The following MSRA variants were observed in gnomAD, a reference collection of about 807,000 sequenced individuals.
MSRA encodes the protein mitochondrial peptide methionine sulfoxide reductase.
Under a neutral mutation model 31.3 loss-of-function variants are expected in MSRA, and 54 were observed. The observed-to-expected ratio is 1.73, with a 90% confidence interval of 1.39 to 2.17. The LOEUF is 2.17. MSRA is among the 30% of genes most tolerant of loss of function. The pLI is 0.00. For synonymous variants in MSRA, 169 were observed against 116.5 expected, an observed-to-expected ratio of 1.45 and a Z score of -2.90; for missense variants, 507 against 300.9, an observed-to-expected ratio of 1.69 and a Z score of -5.07.
chr8:10,059,183 T>A (rs1802562628), intron 1 of MSRA: 1 of 151,978 alleles, frequency 6.6e-6, no homozygotes, highest in South Asian at 2.1e-4. Flanking sequence ...GAAAAAAAGG[T>A]TGGATCTCTA....
chr8:10,292,956 G>T (rs1248848993), intron 3 of MSRA, among the ~76,000 whole-genome samples: 1 of 152,310 alleles, frequency 6.6e-6, no homozygotes, highest in African/African-American at 2.4e-5. Context: ...GCTCCTGTAG[G>T]CCCCAGGGAA....
rs563285176 is a variant in MSRA at position 10,101,535 on chromosome 8, C to T, written c.142+46877C>T. On this transcript the variant is annotated intron_variant, in intron 1 of 5. Transcript: ENST00000317173. The stretch of plus-strand genomic sequence containing the variant: ...CATAAACAATAACTTTCTATTCTTC[C>T]CTTCCCCAAACCCCGCAACAGAATC... Among the ~76,000 whole-genome samples the T allele has an allele frequency of 2.6e-5, 4 of 152,204 alleles. No homozygotes were observed. The East Asian group carries it at 7.7e-4, about 29-fold the overall frequency.
intron 1 of MSRA, among the ~76,000 whole-genome samples, chr8:10,117,493 G>A (rs1800771610): frequency 6.6e-6 from 1 of 152,178 alleles, no homozygotes; most frequent in African/African-American, 2.4e-5. Context: ...CGTCTTTTGG[G>A]AGCAGAGAAA....
At chr8:10,202,476 C>T (rs1808583951) in intron 1 of MSRA, among the ~76,000 whole-genome samples, 1 of 152,202 alleles carries the variant, frequency 6.6e-6, no homozygotes, top group Admixed American at 6.5e-5. Flanking sequence ...TTCCCCTGTG[C>T]CATCTTTGTT....
chr8:10,362,116 C>T (rs886121188), intron 5 of MSRA, among the ~76,000 whole-genome samples: 1 of 152,102 alleles, frequency 6.6e-6, no homozygotes, highest in East Asian at 1.9e-4. Flanking sequence ...TTGGCAAGTT[C>T]GTTGGCTTGT....
At chr8:10,277,493 A>G (rs979284134) in intron 3 of MSRA, among the ~76,000 whole-genome samples, 2 of 152,084 alleles carry the variant, frequency 1.3e-5, no homozygotes, top group Non-Finnish European at 2.9e-5. Context: ...TGTATTTCCA[A>G]CTTCTGATGT....
chr8:10,424,502 T>A (rs1809011491), intron 5 of MSRA, among the ~76,000 whole-genome samples: 1 of 118,494 alleles, frequency 8.4e-6, no homozygotes, highest in Admixed American at 8.7e-5. Flanking sequence ...CGGGATGGAA[T>A]AGGATCGGGG....
At chr8:10,415,626 G>A (rs982749575) in intron 5 of MSRA, among the ~76,000 whole-genome samples, 1 of 152,024 alleles carries the variant, frequency 6.6e-6, no homozygotes, top group Admixed American at 6.6e-5. Flanking sequence ...GAGCCCCAGG[G>A]TCCCATCTGC....
At chr8:10,112,900 C>T (rs1329588693) in intron 1 of MSRA, among the ~76,000 whole-genome samples, 4 of 152,130 alleles carry the variant, frequency 2.6e-5, no homozygotes, top group Non-Finnish European at 5.9e-5. Flanking sequence ...TTCTTTGACT[C>T]AGGGGGTCTG....
At chr8:10,337,756 C>T (rs1192421679) in intron 5 of MSRA, 9 of 702,550 alleles carry the variant, frequency 1.3e-5, no homozygotes, top group Non-Finnish European at 2.1e-5. Flanking sequence ...TCACTGCAGC[C>T]TCCTCTGCTC....
intron 2 of MSRA, among the ~76,000 whole-genome samples, chr8:10,227,674 A>G (rs1168158710): frequency 6.6e-6 from 1 of 152,244 alleles, no homozygotes; most frequent in Non-Finnish European, 1.5e-5. Context: ...ATATGAGCAC[A>G]TTTTAAATTA....
At chr8:10,102,650 G>T (rs1228643346) in intron 1 of MSRA, among the ~76,000 whole-genome samples, 1 of 152,192 alleles carries the variant, frequency 6.6e-6, no homozygotes, top group South Asian at 2.1e-4. Context: ...TTCTTGGTAT[G>T]ATAAATGATT....
At chr8:10,114,322 A>G (rs78146683) in intron 1 of MSRA, among the ~76,000 whole-genome samples, 190 of 152,246 alleles carry the variant, frequency 1.2e-3, no homozygotes, top group African/African-American at 4.4e-3. Context: ...TTGTGTGAAT[A>G]TATGTTTTCA....
chr8:10,308,759 G>A (rs1018251340), intron 4 of MSRA, among the ~76,000 whole-genome samples: 2 of 152,058 alleles, frequency 1.3e-5, no homozygotes, highest in South Asian at 2.1e-4. Context: ...TTCTTGCCTC[G>A]CACACTGTTC....
intron 5 of MSRA, among the ~76,000 whole-genome samples, chr8:10,322,485 AT>A (rs1026102555): frequency 3.3e-5 from 5 of 152,128 alleles, no homozygotes; most frequent in African/African-American, 1.2e-4. Flanking sequence ...ATGGCTGGTG[AT>A]TTTTTGTACA....
intron 2 of MSRA, among the ~76,000 whole-genome samples, chr8:10,226,951 C>T (rs113163747): frequency 5.9e-5 from 9 of 152,276 alleles, no homozygotes; most frequent in Non-Finnish European, 1.3e-4. Flanking sequence ...TGCCTTCCAG[C>T]AGCTGGGAGA....
At chr8:10,132,072 C>G (rs1801935584) in intron 1 of MSRA, among the ~76,000 whole-genome samples, 2 of 152,120 alleles carry the variant, frequency 1.3e-5, no homozygotes, top group Non-Finnish European at 2.9e-5. Flanking sequence ...TGTCACAGTT[C>G]AGATAGAGTG....
At chr8:10,106,288 C>G (rs955208337) in intron 1 of MSRA, among the ~76,000 whole-genome samples, 1 of 152,190 alleles carries the variant, frequency 6.6e-6, no homozygotes, top group Non-Finnish European at 1.5e-5. Flanking sequence ...TTGCCATTTA[C>G]TGCAGGGAGT....
At chr8:10,154,419 C>T (rs1228467969) in intron 1 of MSRA, among the ~76,000 whole-genome samples, 6 of 151,944 alleles carry the variant, frequency 3.9e-5, no homozygotes, top group African/African-American at 1.5e-4. Flanking sequence ...GCTCTGTCGC[C>T]CAGGCTGGAG....
Sources: allele counts gnomAD v4.1 joint callset (sites outside exome capture counted in the v4.1 genomes callset), GRCh38; gene constraint gnomAD v4.1.1; transcripts MANE v1.5; gene names NCBI Gene and HGNC (gene_info 2026-07-23, HGNC 2026-07-21).